FERRY3: variants seen among roughly 807,000 people sequenced by gnomAD.
FERRY3 encodes FERRY endosomal RAB5 effector complex subunit 3.
the FERRY3 span, among the ~76,000 whole-genome samples, chr12:4,524,600 A>G: frequency 6.6e-6 from 1 of 152,252 alleles, no homozygotes; most frequent in African/African-American, 2.4e-5. Flanking sequence ...TATGCTGGAA[A>G]TAGGATTATT....
the FERRY3 span, among the ~76,000 whole-genome samples, chr12:4,526,002 A>G: frequency 6.6e-6 from 1 of 152,244 alleles, no homozygotes; most frequent in Admixed American, 6.5e-5. Flanking sequence ...TCTGAAAGTT[A>G]GTTTACATTA....
At chr12:4,526,629 G>T in the FERRY3 span, among the ~76,000 whole-genome samples, 1 of 152,060 alleles carries the variant, frequency 6.6e-6, no homozygotes, top group Non-Finnish European at 1.5e-5. Context: ...ATCACCTGAG[G>T]TCAGGAGTTC....
the FERRY3 span, among the ~76,000 whole-genome samples, chr12:4,505,059 C>A: frequency 6.6e-6 from 1 of 152,148 alleles, no homozygotes; most frequent in African/African-American, 2.4e-5. Flanking sequence ...GAACTGAGAT[C>A]GCACCACTGT....
the FERRY3 span, among the ~76,000 whole-genome samples, chr12:4,509,670 C>G: frequency 0.074 from 10,199 of 138,552 alleles, 815 homozygotes; most frequent in East Asian, 0.18. Flanking sequence ...TATTCCAACA[C>G]ATCTGCAGCT....
At chr12:4,500,435 G>T in the FERRY3 span, 2 of 1,053,428 alleles carry the variant, frequency 1.9e-6, no homozygotes, top group Non-Finnish European at 2.8e-6. Flanking sequence ...CAATCAATGT[G>T]TTGAACTAGT....
chr12:4,496,101 GT>G, the FERRY3 span, among the ~76,000 whole-genome samples: 1 of 152,134 alleles, frequency 6.6e-6, no homozygotes, highest in East Asian at 1.9e-4. Flanking sequence ...CGTCTGAGTT[GT>G]TTTCAAATCT....
At chr12:4,498,609 C>A in the FERRY3 span, among the ~76,000 whole-genome samples, 21 of 152,272 alleles carry the variant, frequency 1.4e-4, no homozygotes, top group Non-Finnish European at 2.9e-4. Flanking sequence ...AATGGGAAAT[C>A]ACTGAAAATC....
chr12:4,490,791 GA>G, the FERRY3 span, among the ~76,000 whole-genome samples: 1 of 152,128 alleles, frequency 6.6e-6, no homozygotes, highest in African/African-American at 2.4e-5. Flanking sequence ...AGGTTTAACA[GA>G]GTTTTGTCAA....
At chr12:4,504,295 T>C in the FERRY3 span, among the ~76,000 whole-genome samples, 4 of 152,186 alleles carry the variant, frequency 2.6e-5, no homozygotes, top group African/African-American at 9.7e-5. Flanking sequence ...TAAAGGAGAA[T>C]AAAAAACCAT....
the FERRY3 span, among the ~76,000 whole-genome samples, chr12:4,533,163 T>G: frequency 6.6e-6 from 1 of 152,236 alleles, no homozygotes; most frequent in South Asian, 2.1e-4. Context: ...TGAATTTATA[T>G]CCAACCTTTC....
chr12:4,534,367 T>A, the FERRY3 span: 1 of 1,469,008 alleles, frequency 6.8e-7, no homozygotes, highest in Non-Finnish European at 9.1e-7. Flanking sequence ...ACATTTTACT[T>A]GGCTGAGAAT....
At chr12:4,535,111 T>TA in the FERRY3 span, among the ~76,000 whole-genome samples, 1 of 152,208 alleles carries the variant, frequency 6.6e-6, no homozygotes, top group South Asian at 2.1e-4. The surrounding 1 kb of genome is among the most constrained non-coding windows in gnomAD (Gnocchi z 4.0). Flanking sequence ...AGACACCACT[T>TA]AGAGAATGAT....
the FERRY3 span, among the ~76,000 whole-genome samples, chr12:4,509,646 C>T: frequency 7.0e-6 from 1 of 143,442 alleles, no homozygotes; most frequent in Non-Finnish European, 1.5e-5. Flanking sequence ...ACACTGACAC[C>T]TCACACGGCA....
chr12:4,537,340 C>T, the FERRY3 span, among the ~76,000 whole-genome samples: 1 of 152,156 alleles, frequency 6.6e-6, no homozygotes, highest in Non-Finnish European at 1.5e-5. Flanking sequence ...TTAGCCTAGA[C>T]TTATTTGAAT....
At chr12:4,522,346 TTGA>T in the FERRY3 span, among the ~76,000 whole-genome samples, 1 of 152,220 alleles carries the variant, frequency 6.6e-6, no homozygotes, top group African/African-American at 2.4e-5. Context: ...AATACATTAT[TTGA>T]TGATGGACTT....
chr12:4,526,228 G>A, the FERRY3 span, among the ~76,000 whole-genome samples: 1 of 152,146 alleles, frequency 6.6e-6, no homozygotes, highest in Non-Finnish European at 1.5e-5. Context: ...AAAGGGTAAA[G>A]GACTAGAAGG....
the FERRY3 span, chr12:4,536,166 T>C: frequency 1.3e-6 from 2 of 1,594,208 alleles, no homozygotes; most frequent in African/African-American, 2.7e-5. Flanking sequence ...TCTCTCTCTA[T>C]TGCAGAATCT....
the FERRY3 span, among the ~76,000 whole-genome samples, chr12:4,509,649 A>T: frequency 3.1e-4 from 45 of 143,410 alleles, 1 homozygote; most frequent in Middle Eastern, 3.5e-3. Flanking sequence ...CTGACACCTC[A>T]CACGGCAGGG....
chr12:4,489,165 A>G, the FERRY3 span: 1 of 152,672 alleles, frequency 6.5e-6, no homozygotes, highest in African/African-American at 2.4e-5. Flanking sequence ...AATGTTATTA[A>G]TATGCAAGTG....
Sources: gnomAD v4.1 joint callset for allele counts (sites outside exome capture counted in the v4.1 genomes callset) on GRCh38, gnomAD v4.1.1 for gene constraint, Gnocchi (gnomAD v3.1) non-coding constraint, MANE v1.5 for transcripts, NCBI Gene and HGNC (gene_info 2026-07-23, HGNC 2026-07-21) for gene names.